Variants in ZC3H12C observed in about 807,000 individuals in gnomAD.
The protein encoded by ZC3H12C is probable ribonuclease ZC3H12C.
In ZC3H12C, 20 loss-of-function variants were observed where a neutral mutation model predicts 76.3. The observed-to-expected ratio is 0.26, with a 90% confidence interval of 0.18 to 0.38. The LOEUF (loss-of-function observed/expected upper bound fraction) is 0.38, where lower values mean the gene tolerates loss of function less well. ZC3H12C is among the 10% of genes least tolerant of loss of function. ZC3H12C has a pLI of 1.00. For synonymous variants in ZC3H12C, 352 were observed against 399.6 expected, an observed-to-expected ratio of 0.88 and a Z score of 1.42; for missense variants, 874 against 1,086.5, an observed-to-expected ratio of 0.80 and a Z score of 2.75.
At chr11:110,154,072 G>T (rs994534886) in intron 3 of ZC3H12C, among the ~76,000 whole-genome samples, 2 of 152,182 alleles carry the variant, frequency 1.3e-5, no homozygotes, top group Non-Finnish European at 2.9e-5. Flanking sequence ...CAAAGGGGAT[G>T]ATTAAGACTT....
Position 110,136,666 on chromosome 11 carries a change from T to A in ZC3H12C, c.25T>A (p.Tyr9Asn). 1.9e-6 allele frequency: 3 copies of A among 1,611,246 alleles called. No individual in the cohort carries two copies. In the South Asian group the frequency reaches 3.3e-5, roughly 18 times the overall value. ...AATATTTTACATTTTTCTCTAGGAA[T>A]ACGGGGTGCTTTGCATTCAGGAATA... MPGGGSQE[Y>N]GVLCIQEYRK... Residue 9 changes from tyrosine (Y) to asparagine (N), a missense_variant, in exon 2 of 6, where the codon TAC becomes AAC. Tyr to Asn is a moderately radical substitution (Grantham distance 143, BLOSUM62 -2). Transcript: ENST00000278590.
At chr11:110,163,693 G>C (rs1233447964) in intron 5 of ZC3H12C, among the ~76,000 whole-genome samples, 2 of 152,068 alleles carry the variant, frequency 1.3e-5, no homozygotes, top group Non-Finnish European at 2.9e-5. Context: ...TGGTTCTATC[G>C]CCCTACAGTA....
intron 1 of ZC3H12C, among the ~76,000 whole-genome samples, chr11:110,121,670 C>G (rs1246001836): frequency 2.6e-5 from 4 of 151,950 alleles, no homozygotes; most frequent in African/African-American, 9.7e-5. Context: ...TATTTAAAAT[C>G]AGTAGTGTGA....
At chr11:110,147,448 C>G (rs1283397972) in intron 2 of ZC3H12C, among the ~76,000 whole-genome samples, 2 of 151,626 alleles carry the variant, frequency 1.3e-5, no homozygotes, top group Non-Finnish European at 2.9e-5. Context: ...CGGGGCCTGT[C>G]AGGGGGTCGG....
At chr11:110,156,613 A>T (rs1220710722) in intron 3 of ZC3H12C, among the ~76,000 whole-genome samples, 1 of 152,240 alleles carries the variant, frequency 6.6e-6, no homozygotes, top group Non-Finnish European at 1.5e-5. Flanking sequence ...CACAAATAAT[A>T]AAGTACCATA....
chr11:110,128,228 T>A (rs150921630), intron 1 of ZC3H12C, among the ~76,000 whole-genome samples: 247 of 152,140 alleles, frequency 1.6e-3, no homozygotes, highest in Non-Finnish European at 2.6e-3. Flanking sequence ...CAGTGGGAAG[T>A]GGACTAGGGC....
At chr11:110,093,573 T>A in intron 1 of ZC3H12C, 141 bp downstream of exon 1, 1 of 552,712 alleles carries the variant, frequency 1.8e-6, no homozygotes, top group Non-Finnish European at 2.5e-6. Context: ...CCGTGTGATC[T>A]CCAGGCCCAG....
intron 1 of ZC3H12C, among the ~76,000 whole-genome samples, chr11:110,125,041 C>T (rs577937622): frequency 2.8e-4 from 42 of 151,940 alleles, no homozygotes; most frequent in African/African-American, 1.0e-3. Flanking sequence ...ATGAATGAAA[C>T]AATTGAGAAA....
chr11:110,132,689 T>G (rs1861888932), intron 1 of ZC3H12C, among the ~76,000 whole-genome samples: 5 of 152,132 alleles, frequency 3.3e-5, no homozygotes, highest in Admixed American at 3.3e-4. Flanking sequence ...TCTTGGAGTT[T>G]TTTGATAACT....
At position 110,112,997 on chromosome 11, in the gene ZC3H12C, CCCT is replaced by C. The variant is rs1591462186; in HGVS notation, c.21+19566_21+19568del. ...CTGGTTTAAAGTTCTTATCGCCCCC[CCCT>C]ACCAAAAAAAAAGATTTAAAAAAAA... On this transcript the variant is annotated intron_variant, in intron 1 of 5. Coordinates refer to ENST00000278590, the MANE Select transcript of ZC3H12C (RefSeq NM_033390.2). 7.7e-5 allele frequency among the ~76,000 whole-genome samples: 6 copies of C among 77,664 alleles called. 1 individual carries two copies. Among genetic ancestry groups the C allele is most frequent in the African/African-American group, 2.9e-4 (6 of 20,372 alleles). 51.0% of individuals were successfully genotyped at this position (77,664 alleles called of 152,430 possible). A position where few individuals can be genotyped will look rare whatever the true frequency, so the allele number is the denominator to read the frequency against.
rs1459949038 is a variant in ZC3H12C at position 110,093,492 on chromosome 11, C to T, written c.21+60C>T. On this transcript the variant is annotated intron_variant, in intron 1 of 5. Coordinates refer to ENST00000278590, the MANE Select transcript of ZC3H12C (RefSeq NM_033390.2). ...CGCGGCGAGAGTGGTCCTGGGGTAG[C>T]CGGTCGTGGGGAGGGCCGCGGGGCC... 2.6e-6 allele frequency: 3 copies of T among 1,167,284 alleles called. No homozygotes were observed. The African/African-American group carries it at 4.9e-5, about 19-fold the overall frequency. The allele number at this position is 1,167,284 out of a possible 1,614,324, so 72.3% of individuals were successfully genotyped here.
chr11:110,101,931 C>T (rs1343050775), intron 1 of ZC3H12C, among the ~76,000 whole-genome samples: 1 of 151,958 alleles, frequency 6.6e-6, no homozygotes, highest in Non-Finnish European at 1.5e-5. Flanking sequence ...CAGTTTACAG[C>T]ATGCTTTACT....
chr11:110,125,065 C>G (rs771548726), intron 1 of ZC3H12C, among the ~76,000 whole-genome samples: 5 of 152,018 alleles, frequency 3.3e-5, no homozygotes, highest in Admixed American at 6.6e-5. Flanking sequence ...ACAAAGGTGT[C>G]TATGAGGTTT....
intron 3 of ZC3H12C, among the ~76,000 whole-genome samples, chr11:110,155,072 G>A (rs938631159): frequency 2.0e-5 from 3 of 152,124 alleles, no homozygotes; most frequent in African/African-American, 7.2e-5. Context: ...TGGATCACTT[G>A]AGGTCAGGAG....
chr11:110,115,183 T>C lies in ZC3H12C; in HGVS notation c.22-21480T>C, dbSNP rs1048619756. Reference sequence around the variant, plus strand: ...GTACAGTGGCACGATGATGGCTCACTGCAGCCTCGCACTCCTGGGCTCAAG... The same window carrying C: ...GTACAGTGGCACGATGATGGCTCACCGCAGCCTCGCACTCCTGGGCTCAAG... On this transcript the variant is annotated intron_variant, in intron 1 of 5. Transcript: ENST00000278590. 5.9e-5 allele frequency among the ~76,000 whole-genome samples: 9 copies of C among 152,306 alleles called. No individual in the cohort carries two copies. In the South Asian group the frequency reaches 1.9e-3, roughly 32 times the overall value.
intron 2 of ZC3H12C, among the ~76,000 whole-genome samples, chr11:110,145,179 C>T (rs1381466): frequency 0.26 from 39,658 of 151,936 alleles, 5,320 homozygotes; most frequent in Middle Eastern, 0.37. Context: ...CATAATTCTC[C>T]GGTGGCAATT....
At chr11:110,103,953 C>G (rs985038754) in intron 1 of ZC3H12C, among the ~76,000 whole-genome samples, 2 of 148,568 alleles carry the variant, frequency 1.3e-5, no homozygotes, top group African/African-American at 5.0e-5. Flanking sequence ...ACTTGTTATG[C>G]TTTTTGTTTG....
In ZC3H12C at chr11:110,117,982, A is replaced by T. The variant is rs1861579763; in HGVS notation, c.22-18681A>T. Among the ~76,000 whole-genome samples, 3 of 108,394 alleles carry T rather than the reference A, an allele frequency of 2.8e-5. 1 individual carries two copies. The South Asian group carries it at 7.5e-4, about 27-fold the overall frequency. The allele number at this position is 108,394 out of a possible 152,430, so 71.1% of individuals were successfully genotyped here. On this transcript the variant is annotated intron_variant, in intron 1 of 5. Coordinates refer to ENST00000278590, the MANE Select transcript of ZC3H12C (RefSeq NM_033390.2). Reference sequence around the variant, plus strand: ...ACATATATACACACACATATATATTATATATATACACACATATATATTATA... The same window carrying T: ...ACATATATACACACACATATATATTTTATATATACACACATATATATTATA...
In ZC3H12C at chr11:110,153,061, AGGCTT is replaced by A; in HGVS notation, c.913+4_913+8del. The A allele has an allele frequency of 1.9e-6, 3 of 1,610,396 alleles. No individual in the cohort carries two copies. The highest frequency in any genetic ancestry group is 2.5e-6 in the Non-Finnish European group (3 of 1,178,342). ...CCGACCTGATGCTCTCATTACAGGT[AGGCTT>A]ATTCCAGGCGGCTGCTTGTACCTAG... On this transcript the variant is annotated splice_donor_5th_base_variant and intron_variant, in intron 3 of 5. Transcript: ENST00000278590.
Sources: allele counts gnomAD v4.1 joint callset (sites outside exome capture counted in the v4.1 genomes callset), GRCh38; gene constraint gnomAD v4.1.1; transcripts MANE v1.5; gene names NCBI Gene and HGNC (gene_info 2026-07-23, HGNC 2026-07-21).